The following ARHGEF17 variants were observed in gnomAD, a reference collection of about 807,000 sequenced individuals.
The protein encoded by ARHGEF17 is 164 kDa Rho-specific guanine-nucleotide exchange factor.
ARHGEF17 carries 80 observed loss-of-function variants against 174.0 expected under a neutral mutation model. That is an observed-to-expected ratio of 0.46 (90% confidence interval 0.38 to 0.55). The LOEUF (loss-of-function observed/expected upper bound fraction) is 0.55, where lower values mean the gene tolerates loss of function less well. Among genes scored for constraint, ARHGEF17 ranks in the 20% least tolerant of loss-of-function variants. The pLI is 0.00. For synonymous variants in ARHGEF17, 1,311 were observed against 1,189.1 expected, an observed-to-expected ratio of 1.10 and a Z score of -2.11; for missense variants, 2,886 against 2,839.7, an observed-to-expected ratio of 1.02 and a Z score of -0.37.
At chr11:73,356,026 C>T (rs1366601239) in intron 5 of ARHGEF17, 73 bp downstream of exon 5, 3 of 1,596,360 alleles carry the variant, frequency 1.9e-6, no homozygotes, top group Non-Finnish European at 2.6e-6. Flanking sequence ...TCTAAGGCCC[C>T]TGCCTCGTTG....
At chr11:73,352,086 G>T (rs1169817803) in intron 2 of ARHGEF17, among the ~76,000 whole-genome samples, 4 of 152,090 alleles carry the variant, frequency 2.6e-5, no homozygotes, top group African/African-American at 9.7e-5. Flanking sequence ...ACTTTGGGAG[G>T]CCAAGGCAGG....
intron 2 of ARHGEF17, chr11:73,347,198 C>G: frequency 1.7e-6 from 1 of 605,526 alleles, no homozygotes; most frequent in East Asian, 3.0e-5. Flanking sequence ...GCGTCCCTAC[C>G]CTGCTGTTCT....
chr11:73,363,056 A>C, intron 14 of ARHGEF17, 150 bp from the exon 15 acceptor site: 1 of 1,135,352 alleles, frequency 8.8e-7, no homozygotes, highest in South Asian at 1.7e-5. Flanking sequence ...TGAGCAGGGC[A>C]GCAGGGCAGC....
intron 2 of ARHGEF17, 46 bp downstream of exon 2, chr11:73,347,006 A>T (rs763118769): frequency 6.4e-7 from 1 of 1,557,614 alleles, no homozygotes; most frequent in South Asian, 1.2e-5. Flanking sequence ...TTCTGAGCCT[A>T]GGAGGCTGTC....
At chr11:73,346,756 G>T (rs1472077754) in intron 1 of ARHGEF17, 127 bp from the exon 2 acceptor site, 4 of 685,790 alleles carry the variant, frequency 5.8e-6, no homozygotes, top group Admixed American at 4.0e-5. Context: ...AGCCCTGGGC[G>T]GCAGGAGGGA....
rs1864837384 is a variant in ARHGEF17, at chr11:73,311,609, C to T, written c.2971C>T (p.Pro991Ser). The T allele has an allele frequency of 6.2e-7, 1 of 1,613,390 alleles. No individual in the cohort carries two copies. Among genetic ancestry groups the T allele is most frequent in the Non-Finnish European group, 8.5e-7 (1 of 1,179,930 alleles). ...PVAVPEPIGF[P>S]TRAHPTLQAP... ...GGCTGTGCCAGAACCCATAGGCTTC[C>T]CTACCCGAGCCCATCCCACGTTGCA... is the stretch of plus-strand genomic sequence containing the variant. Residue 991 changes from proline (P) to serine (S), a missense_variant, in exon 1 of 21, where the codon CCT (proline) becomes TCT (serine). Physicochemically the swap from Pro to Ser is moderately conservative, Grantham distance 74 (BLOSUM62 -1). This residue lies in a region of ARHGEF17 where 1,728 missense variants were observed against 1,461.2 expected (regional missense o/e 1.18). Transcript: ENST00000263674.
rs927141556 is a variant in ARHGEF17 at position 73,308,621 on chromosome 11, G to A, written c.-18G>A. The A allele has an allele frequency of 2.1e-6, 3 of 1,451,242 alleles. No individual in the cohort carries two copies. Among genetic ancestry groups the A allele is most frequent in the African/African-American group, 1.5e-5 (1 of 66,852 alleles). The allele number at this position is 1,451,242 out of a possible 1,614,324, so 89.9% of individuals were successfully genotyped here. A position where few individuals can be genotyped will look rare whatever the true frequency, so the allele number is the denominator to read the frequency against. On this transcript the variant is annotated 5_prime_UTR_variant, in exon 1 of 21. Coordinates refer to ENST00000263674, the MANE Select transcript of ARHGEF17 (RefSeq NM_014786.4). ...GCGGCTGCCCGAGGCCAGCCCCCCCGGAGTGAGTTACGCCACTATGGCGGA... is the reference window on the plus strand; with the variant it reads ...GCGGCTGCCCGAGGCCAGCCCCCCCAGAGTGAGTTACGCCACTATGGCGGA...
chr11:73,328,012 G>C (rs1051404165), intron 1 of ARHGEF17, among the ~76,000 whole-genome samples: 5 of 152,190 alleles, frequency 3.3e-5, no homozygotes, highest in Non-Finnish European at 7.3e-5. Context: ...ATAGGGTTAT[G>C]GTGAGAATTT....
At chr11:73,335,912 C>T (rs905469936) in intron 1 of ARHGEF17, among the ~76,000 whole-genome samples, 1 of 152,218 alleles carries the variant, frequency 6.6e-6, no homozygotes, top group Non-Finnish European at 1.5e-5. Flanking sequence ...GCAAGACAGT[C>T]AATAGATAAG....
chr11:73,336,662 T>C (rs1280566244), intron 1 of ARHGEF17, among the ~76,000 whole-genome samples: 2 of 152,226 alleles, frequency 1.3e-5, no homozygotes, highest in Non-Finnish European at 2.9e-5. Flanking sequence ...TGTCAGCATA[T>C]GAAGGACCCT....
intron 18 of ARHGEF17, 67 bp downstream of exon 18, chr11:73,364,667 G>C (rs1865807148): frequency 6.5e-7 from 1 of 1,543,760 alleles, no homozygotes; most frequent in Admixed American, 2.0e-5. Context: ...CAGGGAGATG[G>C]AGACCATGGT....
intron 1 of ARHGEF17, among the ~76,000 whole-genome samples, chr11:73,319,052 C>T (rs898410038): frequency 6.6e-6 from 1 of 151,524 alleles, no homozygotes; most frequent in Non-Finnish European, 1.5e-5. Flanking sequence ...CACCCCGTAC[C>T]TCCTTCCTCC....
chr11:73,367,820 C>A lies in ARHGEF17; in HGVS notation c.*40C>A, dbSNP rs1431021198. 1.9e-6 allele frequency: 3 copies of A among 1,568,642 alleles called. No homozygotes were observed. Among genetic ancestry groups the A allele is most frequent in the Non-Finnish European group, 1.7e-6 (2 of 1,151,126 alleles). ...GCCCAGGACTCGCCCGCCCACCTGC[C>A]TTCAGCCTGCTTGCCTCTCCCTAGC... On this transcript the variant is annotated 3_prime_UTR_variant, in exon 21 of 21. Coordinates refer to ENST00000263674, the MANE Select transcript of ARHGEF17 (RefSeq NM_014786.4).
chr11:73,351,121 C>T (rs1430661950), intron 2 of ARHGEF17, among the ~76,000 whole-genome samples: 1 of 152,212 alleles, frequency 6.6e-6, no homozygotes, highest in African/African-American at 2.4e-5. Context: ...TGACCCAGCC[C>T]AGGAGCTGGC....
rs759803865 is a variant in ARHGEF17 at position 73,363,480 on chromosome 11, A to T, written c.5246+25A>T. ...GGTAGGGACAGGGGAGGGACTAGGG[A>T]CACAGTGCCAGAACTCTGAGCTCCC... On this transcript the variant is annotated intron_variant, in intron 15 of 20. Coordinates refer to ENST00000263674, the MANE Select transcript of ARHGEF17 (RefSeq NM_014786.4). 23 of 1,598,856 alleles carry T rather than the reference A, an allele frequency of 1.4e-5. No individual in the cohort carries two copies. In the South Asian group the frequency reaches 2.1e-4, roughly 15 times the overall value.
intron 1 of ARHGEF17, among the ~76,000 whole-genome samples, chr11:73,324,428 AC>A (rs1268005148): frequency 6.6e-6 from 1 of 152,000 alleles, no homozygotes; most frequent in Non-Finnish European, 1.5e-5. Context: ...TCCCCTTACC[AC>A]CCATGCCTAT....
intron 1 of ARHGEF17, among the ~76,000 whole-genome samples, chr11:73,323,278 T>C (rs1865045529): frequency 6.6e-6 from 1 of 152,058 alleles, no homozygotes; most frequent in South Asian, 2.1e-4. Flanking sequence ...CTAAGACAAG[T>C]CCCTCTGCCT....
chr11:73,345,071 A>G (rs1426391308), intron 1 of ARHGEF17, among the ~76,000 whole-genome samples: 1 of 152,144 alleles, frequency 6.6e-6, no homozygotes, highest in Admixed American at 6.5e-5. Context: ...GGGCAGGATT[A>G]GGCATCTGGG....
chr11:73,309,754 G>A lies in ARHGEF17; in HGVS notation c.1116G>A (p.Val372=). The change falls in exon 1 of 21, where the codon GTG becomes GTA. Residue 372 remains valine (V), a synonymous_variant. Transcript: ENST00000263674. ...MSDSVGGAFR[V]AKVSFPSYLA... The stretch of plus-strand genomic sequence containing the variant: ...ACTCTGTGGGAGGAGCTTTCCGTGT[G>A]GCCAAGGTGAGCTTTCCCTCGTACC... The A allele has an allele frequency of 6.2e-7, 1 of 1,612,814 alleles. No individual in the cohort carries two copies. The highest frequency in any genetic ancestry group is 1.7e-5 in the Admixed American group (1 of 60,016).
Sources: allele counts gnomAD v4.1 joint callset (sites outside exome capture counted in the v4.1 genomes callset), GRCh38; gene constraint gnomAD v4.1.1; regional missense constraint gnomAD v4.1.1; transcripts MANE v1.5; gene names NCBI Gene and HGNC (gene_info 2026-07-23, HGNC 2026-07-21).